SPARCL1: variants seen among roughly 807,000 people sequenced by gnomAD.
The protein encoded by SPARCL1 is SPARC-like protein 1.
In SPARCL1, 52 loss-of-function variants were observed where a neutral mutation model predicts 67.1. The observed-to-expected ratio is 0.78, with a 90% confidence interval of 0.62 to 0.98. The LOEUF (loss-of-function observed/expected upper bound fraction) is 0.98. Ranked by LOEUF, SPARCL1 falls within the 50% of genes least tolerant of loss-of-function variation. The pLI is 0.00. For missense variants in SPARCL1, 717 were observed against 782.4 expected (o/e 0.92, Z 1.00); for synonymous variants, 226 against 267.8 (o/e 0.84, Z 1.52).
intron 9 of SPARCL1, among the ~76,000 whole-genome samples, chr4:87,479,801 C>T (rs73839663): frequency 6.6e-6 from 1 of 152,174 alleles, no homozygotes; most frequent in Non-Finnish European, 1.5e-5. Flanking sequence ...CTGTCCTTCC[C>T]CCACCCTAAA....
At chr4:87,490,416 A>C in intron 6 of SPARCL1, 23 bp from the exon 7 acceptor site, 1 of 1,593,354 alleles carries the variant, frequency 6.3e-7, no homozygotes, top group Non-Finnish European at 8.5e-7. Context: ...AGTAGAAGAA[A>C]AAGCTGATAG....
chr4:87,515,021 T>C (rs557071611), intron 1 of SPARCL1, among the ~76,000 whole-genome samples: 1 of 152,258 alleles, frequency 6.6e-6, no homozygotes, highest in African/African-American at 2.4e-5. Flanking sequence ...TTTGCAGAAA[T>C]AGAAAATAAA....
At chr4:87,488,572 C>A (rs574116542) in intron 7 of SPARCL1, among the ~76,000 whole-genome samples, 221 of 152,326 alleles carry the variant, frequency 1.5e-3, no homozygotes, top group Non-Finnish European at 2.3e-3. Context: ...GCATGGGGGT[C>A]AGGGACCCAC....
chr4:87,515,158 T>G (rs1308923708), intron 1 of SPARCL1, among the ~76,000 whole-genome samples: 1 of 152,240 alleles, frequency 6.6e-6, no homozygotes, highest in Non-Finnish European at 1.5e-5. Context: ...TGCGTGAGCT[T>G]ATTCAAAGGC....
intron 2 of SPARCL1, among the ~76,000 whole-genome samples, chr4:87,498,915 CCAGGCTGGAGTGCAGTGGAGTGATCT>C (rs990895170): frequency 3.9e-5 from 6 of 151,978 alleles, no homozygotes; most frequent in Non-Finnish European, 8.8e-5. Context: ...ACTCTGTTGC[CCAGGCTGGAGTGCAGTGGAGTGATCT>C]CAGCTCACTG....
chr4:87,476,765 C>T (rs751522172), intron 10 of SPARCL1, among the ~76,000 whole-genome samples: 4 of 152,156 alleles, frequency 2.6e-5, no homozygotes, highest in African/African-American at 7.2e-5. Flanking sequence ...GCAACATGCC[C>T]TAATTCACAC....
At chr4:87,515,906 G>A in intron 1 of SPARCL1, among the ~76,000 whole-genome samples, 1 of 152,138 alleles carries the variant, frequency 6.6e-6, no homozygotes, top group Non-Finnish European at 1.5e-5. Context: ...AAATATTATG[G>A]TAGAGATTGC....
At chr4:87,476,078 G>A (rs1723572094) in intron 10 of SPARCL1, among the ~76,000 whole-genome samples, 1 of 152,070 alleles carries the variant, frequency 6.6e-6, no homozygotes, top group Admixed American at 6.5e-5. Context: ...CTAACACTTA[G>A]GAGGCAACCT....
chr4:87,477,858 A>G (rs911498954), intron 10 of SPARCL1, among the ~76,000 whole-genome samples: 1 of 152,236 alleles, frequency 6.6e-6, no homozygotes, highest in African/African-American at 2.4e-5. Flanking sequence ...GTGATTCACT[A>G]TGCAGCATAG....
rs767085145 is a variant in SPARCL1 at position 87,494,332 on chromosome 4, A to G, written c.468T>C (p.Ser156=). ...SSFTDSNQQE[S]ITKREENQEQ... ...CTTGGTTTTCCTCTCTCTTTGTGAT[A>G]CTTTCTTGTTGGTTAGAATCTGTGA... The change falls in exon 4 of 11, where the codon AGT becomes AGC. Residue 156 remains serine, a synonymous_variant. Transcript: ENST00000282470. The G allele has an allele frequency of 4.6e-5, 74 of 1,614,014 alleles. No homozygotes were observed. The highest frequency in any genetic ancestry group is 2.5e-4 in the Admixed American group (15 of 59,984).
At position 87,482,519 on chromosome 4, in the gene SPARCL1, G is replaced by A; in HGVS notation, c.1573C>T (p.Leu525=). The change falls in exon 8 of 11, where the codon CTA becomes TTA. Residue 525 remains leucine, a synonymous_variant. Coordinates refer to ENST00000282470, the MANE Select transcript of SPARCL1 (RefSeq NM_004684.6). ...CTDFEVIQFP[L]RMRDWLKNIL... is the part of the protein sequence containing the mutation. ...TTCTTGAGCCAGTCTCTCATCCGTA[G>A]AGGAAACTGAATCACTTCAAAGTCC... 4 of 1,614,030 alleles carry A rather than the reference G, an allele frequency of 2.5e-6. No homozygotes were observed. The highest frequency in any genetic ancestry group is 3.4e-6 in the Non-Finnish European group (4 of 1,179,920).
intron 10 of SPARCL1, among the ~76,000 whole-genome samples, chr4:87,475,549 A>C (rs1560809522): frequency 6.6e-6 from 1 of 152,160 alleles, no homozygotes; most frequent in Non-Finnish European, 1.5e-5. Flanking sequence ...GGTGTCAATT[A>C]TTCTCTGTAT....
At chr4:87,508,581 C>T (rs1725207248) in intron 1 of SPARCL1, among the ~76,000 whole-genome samples, 1 of 151,884 alleles carries the variant, frequency 6.6e-6, no homozygotes, top group East Asian at 1.9e-4. Flanking sequence ...TTATGACCTA[C>T]AATCACACAA....
intron 1 of SPARCL1, chr4:87,528,246 A>G (rs1726133604): frequency 6.6e-6 from 1 of 151,974 alleles, no homozygotes; most frequent in East Asian, 1.9e-4. Context: ...GGGAAGGATG[A>G]ATAAGCACAA....
chr4:87,489,339 G>A (rs1335229178), intron 7 of SPARCL1, among the ~76,000 whole-genome samples: 1 of 152,156 alleles, frequency 6.6e-6, no homozygotes, highest in African/African-American at 2.4e-5. Flanking sequence ...CTTCGCTAGG[G>A]GAGAGAGTTT....
At chr4:87,489,718 G>A (rs1488908579) in intron 7 of SPARCL1, among the ~76,000 whole-genome samples, 4 of 152,164 alleles carry the variant, frequency 2.6e-5, no homozygotes, top group South Asian at 2.1e-4. Context: ...CATACCTAAC[G>A]TCCAGGAGGC....
intron 7 of SPARCL1, among the ~76,000 whole-genome samples, chr4:87,488,467 C>T (rs28848577): frequency 0.21 from 32,521 of 152,096 alleles, 5,233 homozygotes; most frequent in African/African-American, 0.45. Flanking sequence ...CCTCTGGAAG[C>T]TTCGTCCCAG....
intron 2 of SPARCL1, among the ~76,000 whole-genome samples, chr4:87,497,857 G>A (rs1414582600): frequency 6.6e-6 from 1 of 152,112 alleles, no homozygotes; most frequent in Admixed American, 6.5e-5. Flanking sequence ...CTGGCTTAAG[G>A]GATCCTCCCT....
chr4:87,476,260 C>T (rs1245023195), intron 10 of SPARCL1, among the ~76,000 whole-genome samples: 1 of 152,182 alleles, frequency 6.6e-6, no homozygotes, highest in East Asian at 1.9e-4. Context: ...CACCTGTCTG[C>T]TCTCGGCTCC....
Sources: gnomAD v4.1 joint callset for allele counts (sites outside exome capture counted in the v4.1 genomes callset) on GRCh38, gnomAD v4.1.1 for gene constraint, MANE v1.5 for transcripts, NCBI Gene and HGNC (gene_info 2026-07-23, HGNC 2026-07-21) for gene names.